Variants in ADAD2 observed in about 807,000 individuals in gnomAD.
ADAD2 encodes the protein adenosine deaminase domain containing 2.
In ADAD2, 60 loss-of-function variants were observed where a neutral mutation model predicts 54.5. The ratio of observed to expected loss-of-function variants is 1.10; its 90% CI spans 0.89 to 1.36. The LOEUF (loss-of-function observed/expected upper bound fraction) is 1.36. ADAD2 is among the 40% of genes most tolerant of loss of function. ADAD2 has a pLI of 0.00. For synonymous variants in ADAD2, 543 were observed against 366.2 expected (o/e 1.48, Z -5.51); for missense variants, 1,103 against 801.3 (o/e 1.38, Z -4.54).
At chr16:84,192,060 C>G (rs572191708) in intron 1 of ADAD2, among the ~76,000 whole-genome samples, 21 of 152,332 alleles carry the variant, frequency 1.4e-4, no homozygotes, top group African/African-American at 4.3e-4. Context: ...AAGGGTAATA[C>G]CGTGTACATG....
Position 84,195,370 on chromosome 16 carries a change from G to C in ADAD2, c.808G>C (p.Ala270Pro). Residue 270 changes from alanine (A) to proline (P), a missense_variant, in exon 5 of 10, where the codon GCT becomes CCT. Physicochemically the swap from Ala to Pro is conservative, Grantham distance 27 (BLOSUM62 -1). Transcript: ENST00000315906. ...TCTGGGCACCGGCAGCAGCTGCTGT[G>C]CTGGCTGGCTGGAGTTCTCGGGCCA... ...VALGTGSSCC[A>P]GWLEFSGQQL... 6.2e-7 allele frequency: 1 copy of C among 1,609,120 alleles called. No homozygotes were observed. Among genetic ancestry groups the C allele is most frequent in the Non-Finnish European group, 8.5e-7 (1 of 1,179,466 alleles).
chr16:84,196,056 G>T lies in ADAD2; in HGVS notation c.1282+12G>T, dbSNP rs767509996. 1.3e-6 allele frequency: 2 copies of T among 1,599,318 alleles called. No homozygotes were observed. The highest frequency in any genetic ancestry group is 1.3e-5 in the African/African-American group (1 of 75,042). On this transcript the variant is annotated intron_variant, in intron 7 of 9. Transcript: ENST00000315906. ...CAGCCTCATCCTGGGTGAGCACGTG[G>T]TGAGGGCTGGGGGGGTGAGAAGGGA...
Position 84,191,178 on chromosome 16 carries a change from G to C in ADAD2, c.-53G>C. The C allele has an allele frequency of 2.6e-6, 4 of 1,563,158 alleles. No individual in the cohort carries two copies. The highest frequency in any genetic ancestry group is 3.5e-6 in the Non-Finnish European group (4 of 1,151,402). On this transcript the variant is annotated 5_prime_UTR_variant, in exon 1 of 10. Coordinates refer to ENST00000315906, the MANE Select transcript of ADAD2 (RefSeq NM_001145400.2). ...AGGCACCCGCCCTGCGCGTGTGAAAGGGCGAGAGCAGCGCGAGATAGGGCC... is the reference window on the plus strand; with the variant it reads ...AGGCACCCGCCCTGCGCGTGTGAAACGGCGAGAGCAGCGCGAGATAGGGCC...
At position 84,195,933 on chromosome 16, in the gene ADAD2, G is replaced by A. The variant is rs745363383; in HGVS notation, c.1171G>A (p.Val391Met). ...YVAPSLCDTH[V>M]GCLSASDKLA... Reference sequence around the variant, plus strand: ...GGCGCCCTCGCTCTGTGACACCCACGTGGGCTGCCTGTCAGCCAGTGACAA... The same window carrying A: ...GGCGCCCTCGCTCTGTGACACCCACATGGGCTGCCTGTCAGCCAGTGACAA... Residue 391 changes from valine (V) to methionine (M), a missense_variant, in exon 7 of 10, where the codon GTG becomes ATG. By Grantham distance (21) the Val-to-Met change is conservative. Transcript: ENST00000315906. The A allele has an allele frequency of 8.1e-6, 13 of 1,599,528 alleles. No homozygotes were observed. The highest frequency in any genetic ancestry group is 2.2e-5 in the South Asian group (2 of 91,032).
chr16:84,193,669 T>C (rs1271971335), intron 1 of ADAD2: 1 of 213,514 alleles, frequency 4.7e-6, no homozygotes, highest in Non-Finnish European at 9.5e-6. Flanking sequence ...TCACTTGTGG[T>C]TTTAGAAAAT....
rs963564549 is a variant in ADAD2, at chr16:84,191,464, G to A, written c.234G>A (p.Leu78=). The change falls in exon 1 of 10, where the codon CTG becomes CTA. Residue 78 remains leucine, a synonymous_variant. Transcript: ENST00000315906. Reference sequence around the variant, plus strand: ...GGGCAGGGGCCGGAGTCGGGGAACTGGGGGCAGCCCGGGCGTGGGAAAACT... The same window carrying A: ...GGGCAGGGGCCGGAGTCGGGGAACTAGGGGCAGCCCGGGCGTGGGAAAACT... ...GPGAGAGVGE[L]GAARAWENLG... 43 of 1,531,530 alleles carry A rather than the reference G, an allele frequency of 2.8e-5. No individual in the cohort carries two copies. The highest frequency in any genetic ancestry group is 4.1e-5 in the African/African-American group (3 of 72,392). 94.9% of individuals were successfully genotyped at this position (1,531,530 alleles called of 1,614,324 possible). A position where few individuals can be genotyped will look rare whatever the true frequency, so the allele number is the denominator to read the frequency against.
chr16:84,194,483 G>A lies in ADAD2; in HGVS notation c.460G>A (p.Val154Met), dbSNP rs1442263123. ...PFSVSAELDG[V>M]VCPAGTANSK... The stretch of plus-strand genomic sequence containing the variant: ...CTCGGTGAGCGCGGAACTGGATGGG[G>A]TGGTCTGCCCTGCGGGCACTGCGAA... Residue 154 changes from valine (V) to methionine (M), a missense_variant, in exon 2 of 10, where the codon GTG becomes ATG. By Grantham distance (21) the Val-to-Met change is conservative (BLOSUM62 1). Coordinates refer to ENST00000315906, the MANE Select transcript of ADAD2 (RefSeq NM_001145400.2). 6.2e-7 allele frequency: 1 copy of A among 1,610,360 alleles called. No homozygotes were observed. The highest frequency in any genetic ancestry group is 8.5e-7 in the Non-Finnish European group (1 of 1,179,574).
rs143178381 is a variant in ADAD2 at position 84,194,180 on chromosome 16, T to C, written c.419-262T>C. The C allele has an allele frequency of 1.0e-3, 1,603 of 1,594,202 alleles. 2 individuals are homozygous for C. Among genetic ancestry groups the C allele is most frequent in the Non-Finnish European group, 1.3e-3 (1,486 of 1,169,554 alleles). On this transcript the variant is annotated intron_variant, in intron 1 of 9. Coordinates refer to ENST00000315906, the MANE Select transcript of ADAD2 (RefSeq NM_001145400.2). The stretch of plus-strand genomic sequence containing the variant: ...GCAAACCGCCTGCCGTTTCTGCTCA[T>C]CTGTGAAATGGAGTCACGCATCCCT...
Sources: gnomAD v4.1 joint callset for allele counts (sites outside exome capture counted in the v4.1 genomes callset) on GRCh38, gnomAD v4.1.1 for gene constraint, MANE v1.5 for transcripts, NCBI Gene and HGNC (gene_info 2026-07-23, HGNC 2026-07-21) for gene names.